Variants in PCDHA1 observed in about 807,000 individuals in gnomAD.
The protein encoded by PCDHA1 is protocadherin alpha-1.
PCDHA1 carries 42 observed loss-of-function variants against 61.3 expected under a neutral mutation model. The observed-to-expected ratio is 0.69, with a 90% CI of 0.54 to 0.89. PCDHA1 has a LOEUF of 0.89. Ranked by LOEUF, PCDHA1 falls within the 40% of genes least tolerant of loss-of-function variation. The probability of loss-of-function intolerance (pLI) is 0.00; values close to 1 mark genes in which losing one functional copy is unlikely to be tolerated. For missense variants in PCDHA1, 1,256 were observed against 1,235.3 expected, an observed-to-expected ratio of 1.02 and a Z score of -0.25; for synonymous variants, 610 against 553.8, an observed-to-expected ratio of 1.10 and a Z score of -1.43.
At chr5:140,855,951 G>A (rs923077189) in intron 1 of PCDHA1, 2 of 1,372,088 alleles carry the variant, frequency 1.5e-6, no homozygotes, top group South Asian at 1.4e-5. Context: ...CAGCCATTTC[G>A]ATAAAAAATA....
intron 1 of PCDHA1, among the ~76,000 whole-genome samples, chr5:140,885,515 A>G (rs537252415): frequency 6.6e-6 from 1 of 152,294 alleles, no homozygotes; most frequent in South Asian, 2.1e-4. Context: ...ATGCTGTGCT[A>G]TCATTTCATA....
rs978053855 is a variant in PCDHA1 at position 141,009,492 on chromosome 5, A to T, written c.2543-135A>T. 4 of 1,478,558 alleles carry T rather than the reference A, an allele frequency of 2.7e-6. No individual in the cohort carries two copies. In the African/African-American group the frequency reaches 5.6e-5, roughly 21 times the overall value. The allele number at this position is 1,478,558 out of a possible 1,614,324, so 91.6% of individuals were successfully genotyped here. ...ATAAGTAAACACTTGCCTTGCCCTCAGACTTGAACAAACAACTCGTGATTT... is the reference window on the plus strand; with the variant it reads ...ATAAGTAAACACTTGCCTTGCCCTCTGACTTGAACAAACAACTCGTGATTT... On this transcript the variant is annotated intron_variant, in intron 3 of 3. Coordinates refer to ENST00000504120, the MANE Select transcript of PCDHA1 (RefSeq NM_018900.4).
chr5:140,863,352 G>T (rs568992628), intron 1 of PCDHA1: 16 of 1,288,838 alleles, frequency 1.2e-5, no homozygotes, highest in Non-Finnish European at 1.6e-5. Context: ...TGTACACGAC[G>T]CTGCGGTGCT....
chr5:140,929,613 C>G (rs1485250435), intron 1 of PCDHA1: 2 of 406,044 alleles, frequency 4.9e-6, no homozygotes, highest in Admixed American at 8.8e-5. Flanking sequence ...AATAAAATAC[C>G]AAAATATTTT....
At chr5:140,983,904 C>T (rs1227752084) in intron 3 of PCDHA1, among the ~76,000 whole-genome samples, 2 of 152,164 alleles carry the variant, frequency 1.3e-5, no homozygotes, top group African/African-American at 4.8e-5. Context: ...TTCGTTGATT[C>T]TAATCAGCCA....
intron 1 of PCDHA1, chr5:140,834,247 G>C: frequency 1.1e-6 from 1 of 891,604 alleles, no homozygotes; most frequent in Non-Finnish European, 1.7e-6. Flanking sequence ...TTTCGCACTG[G>C]AAAGACGCTC....
At chr5:140,796,336 C>T (rs782132897) in intron 1 of PCDHA1, 1 of 1,614,070 alleles carries the variant, frequency 6.2e-7, no homozygotes, top group South Asian at 1.1e-5. Context: ...GTTCGCACAG[C>T]CTGAGTACAC....
At chr5:140,866,827 AT>A (rs1488157876) in intron 1 of PCDHA1, 1 of 152,132 alleles carries the variant, frequency 6.6e-6, no homozygotes, top group Non-Finnish European at 1.5e-5. Context: ...TCTTCAATTG[AT>A]TTTACAAAAT....
At chr5:141,005,632 G>C (rs2098225457) in intron 3 of PCDHA1, among the ~76,000 whole-genome samples, 2 of 148,162 alleles carry the variant, frequency 1.3e-5, no homozygotes, top group Non-Finnish European at 3.0e-5. Context: ...AACCCGGGAG[G>C]CGGAGCTTGC....
chr5:140,964,087 G>T (rs2095809523), intron 1 of PCDHA1, among the ~76,000 whole-genome samples: 1 of 152,078 alleles, frequency 6.6e-6, no homozygotes, highest in African/African-American at 2.4e-5. Context: ...TTGTAGAAAG[G>T]GTAATTAACA....
chr5:140,843,319 G>A lies in PCDHA1; in HGVS notation c.2394+54635G>A, dbSNP rs1554139952. On this transcript the variant is annotated intron_variant, in intron 1 of 3. Coordinates refer to ENST00000504120, the MANE Select transcript of PCDHA1 (RefSeq NM_018900.4). The stretch of plus-strand genomic sequence containing the variant: ...CGCTGACCGCCACGGCCACGGTTCT[G>A]GTGTCGCTGGTGGAGAGCGGCCAGG... The A allele has an allele frequency of 5.6e-6, 9 of 1,595,928 alleles. 2 individuals carry two copies. In the African/African-American group the frequency reaches 1.2e-4, roughly 21 times the overall value.
chr5:140,993,372 A>T (rs2097552472), intron 3 of PCDHA1, among the ~76,000 whole-genome samples: 1 of 151,976 alleles, frequency 6.6e-6, no homozygotes, highest in South Asian at 2.1e-4. Context: ...ACTACCTCCC[A>T]GCCGGGTCCC....
chr5:140,973,015 A>T (rs1554234824), intron 1 of PCDHA1, among the ~76,000 whole-genome samples: 1 of 152,000 alleles, frequency 6.6e-6, no homozygotes, highest in African/African-American at 2.4e-5. Context: ...TGGTGTTGTG[A>T]TTGTTAATGA....
At chr5:140,885,482 G>A (rs1174553739) in intron 1 of PCDHA1, among the ~76,000 whole-genome samples, 1 of 152,150 alleles carries the variant, frequency 6.6e-6, no homozygotes, top group Non-Finnish European at 1.5e-5. Context: ...TTTGTGTCAA[G>A]TGTTCTGTTA....
At chr5:140,828,367 C>T (rs782811756) in intron 1 of PCDHA1, 8 of 1,614,132 alleles carry the variant, frequency 5.0e-6, no homozygotes, top group Non-Finnish European at 6.8e-6. Context: ...GGATCGACCG[C>T]GAGGAGCTGT....
intron 1 of PCDHA1, chr5:140,803,201 G>T: frequency 6.2e-7 from 1 of 1,613,896 alleles, no homozygotes. Flanking sequence ...TGCTGGTGTC[G>T]CTGGTGGAGA....
At chr5:140,863,405 C>T (rs1554158176) in intron 1 of PCDHA1, 11 of 799,522 alleles carry the variant, frequency 1.4e-5, no homozygotes, top group Non-Finnish European at 2.3e-5. Context: ...GGCAAGCCCA[C>T]GCTGGTGTAC....
intron 1 of PCDHA1, chr5:140,829,180 T>C: frequency 1.2e-6 from 2 of 1,614,192 alleles, no homozygotes; most frequent in Non-Finnish European, 1.7e-6. Flanking sequence ...GTGAAGACGC[T>C]CAATTTGGTA....
At chr5:140,855,666 A>G (rs2043560136) in intron 1 of PCDHA1, among the ~76,000 whole-genome samples, 2 of 149,632 alleles carry the variant, frequency 1.3e-5, no homozygotes, top group Admixed American at 6.7e-5. Context: ...AGAAATCACT[A>G]CTCTGAGAGT....
Sources: allele counts gnomAD v4.1 joint callset (sites outside exome capture counted in the v4.1 genomes callset), GRCh38; gene constraint gnomAD v4.1.1; transcripts MANE v1.5; gene names NCBI Gene and HGNC (gene_info 2026-07-23, HGNC 2026-07-21).